UHRF1: variants seen among roughly 807,000 people sequenced by gnomAD.
UHRF1 encodes the protein ubiquitin like with PHD and ring finger domains 1.
UHRF1 carries 9 observed loss-of-function variants against 96.5 expected under a neutral mutation model. The observed-to-expected ratio is 0.09, with a 90% CI of 0.06 to 0.16. The LOEUF is 0.16. Among genes scored for constraint, UHRF1 ranks in the 10% least tolerant of loss-of-function variants. The pLI, the probability that UHRF1 is intolerant of heterozygous loss-of-function variation, is 1.00. For missense variants in UHRF1, 626 were observed against 1,131.1 expected (o/e 0.55, Z 6.40); for synonymous variants, 455 against 469.9 (o/e 0.97, Z 0.41).
chr19:4,941,887 C>T lies in UHRF1; in HGVS notation c.1029C>T (p.Tyr343=), dbSNP rs372794237. 419 of 1,541,812 alleles carry T rather than the reference C, an allele frequency of 2.7e-4. 1 individual carries two copies. The highest frequency in any genetic ancestry group is 3.5e-4 in the Non-Finnish European group (401 of 1,142,566). ...AGTGCGACATGGCCTTCCACATCTACTGCCTGGACCCGCCCCTCAGCAGTG... is the reference window on the plus strand; with the variant it reads ...AGTGCGACATGGCCTTCCACATCTATTGCCTGGACCCGCCCCTCAGCAGTG... ...CDECDMAFHI[Y]CLDPPLSSVP... is the part of the protein sequence containing the mutation. The change falls in exon 7 of 17, where the codon TAC becomes TAT. Residue 343 remains tyrosine (Y), a synonymous_variant. Transcript: ENST00000650932.
In UHRF1 at chr19:4,941,990, G is replaced by A. The variant is rs995668226; in HGVS notation, c.1073+59G>A. 4.2e-6 allele frequency: 6 copies of A among 1,419,762 alleles called. No homozygotes were observed. In the African/African-American group the frequency reaches 7.2e-5, roughly 17 times the overall value. The allele number at this position is 1,419,762 out of a possible 1,614,324, so 87.9% of individuals were successfully genotyped here. A position where few individuals can be genotyped will look rare whatever the true frequency, so the allele number is the denominator to read the frequency against. ...GAGCGCCCCCTACAAATCCCCAGAG[G>A]GGCACTGAGGAGATACAGGAGAGGG... On this transcript the variant is annotated intron_variant, in intron 7 of 16. Transcript: ENST00000650932.
chr19:4,917,129 T>C (rs1599245281), intron 2 of UHRF1, among the ~76,000 whole-genome samples: 2 of 140,812 alleles, frequency 1.4e-5, no homozygotes, highest in African/African-American at 5.5e-5. Context: ...TTTTTTTTTT[T>C]TCTTTTTTAT....
At position 4,929,365 on chromosome 19, in the gene UHRF1, G is replaced by T. The variant is rs1286084217; in HGVS notation, c.297G>T (p.Leu99=). 1 of 1,613,714 alleles carries T rather than the reference G, an allele frequency of 6.2e-7. No individual in the cohort carries two copies. The highest frequency in any genetic ancestry group is 1.7e-5 in the Admixed American group (1 of 60,014). The change falls in exon 3 of 17, where the codon CTG becomes CTT. Residue 99 remains leucine, a synonymous_variant. Transcript: ENST00000650932. ...ELSDTDSGCC[L]GQSESDKSST... ...CCGACACCGACTCCGGCTGCTGCCTGGGCCAGAGTGAGTCAGACAAGTCCT... is the reference window on the plus strand; with the variant it reads ...CCGACACCGACTCCGGCTGCTGCCTTGGCCAGAGTGAGTCAGACAAGTCCT...
At chr19:4,946,281 C>T (rs887935255) in intron 10 of UHRF1, among the ~76,000 whole-genome samples, 6 of 152,012 alleles carry the variant, frequency 3.9e-5, no homozygotes, top group African/African-American at 9.7e-5. Flanking sequence ...GCACGGCCTG[C>T]GTCCTTGCAT....
chr19:4,936,087 G>A (rs1006524801), intron 5 of UHRF1, among the ~76,000 whole-genome samples: 3 of 152,132 alleles, frequency 2.0e-5, no homozygotes, highest in Admixed American at 6.6e-5. Context: ...CTTGTGTCCC[G>A]AGCCCTCTGG....
At chr19:4,940,034 A>ACAAAAC (rs1314542975) in intron 5 of UHRF1, among the ~76,000 whole-genome samples, 61 of 152,120 alleles carry the variant, frequency 4.0e-4, no homozygotes, top group African/African-American at 1.4e-3. Context: ...AAAAAAAAAA[A>ACAAAAC]AAAACACATG....
intron 2 of UHRF1, among the ~76,000 whole-genome samples, chr19:4,918,170 A>T (rs1568409434): frequency 6.6e-6 from 1 of 151,880 alleles, no homozygotes; most frequent in Admixed American, 6.6e-5. Flanking sequence ...CCCAAGCTGG[A>T]GTGCAGTGGC....
At chr19:4,926,288 GC>G (rs2032868690) in intron 2 of UHRF1, among the ~76,000 whole-genome samples, 1 of 152,166 alleles carries the variant, frequency 6.6e-6, no homozygotes, top group African/African-American at 2.4e-5. Flanking sequence ...AGGTTGACGT[GC>G]CTCTTCCTCT....
intron 5 of UHRF1, among the ~76,000 whole-genome samples, chr19:4,935,119 G>T (rs925475327): frequency 1.3e-5 from 2 of 151,914 alleles, no homozygotes; most frequent in Non-Finnish European, 2.9e-5. Flanking sequence ...GACTATAGGT[G>T]CCCACCACCA....
At chr19:4,957,453 C>T (rs1317101613) in intron 16 of UHRF1, among the ~76,000 whole-genome samples, 2 of 151,998 alleles carry the variant, frequency 1.3e-5, no homozygotes, top group South Asian at 2.1e-4. Context: ...GGACTACAGG[C>T]GCCCGCCACC....
At chr19:4,946,849 T>C (rs775415614) in intron 10 of UHRF1, among the ~76,000 whole-genome samples, 1 of 152,204 alleles carries the variant, frequency 6.6e-6, no homozygotes, top group Non-Finnish European at 1.5e-5. Context: ...GTGCTGGGAT[T>C]ACGGGTGTGA....
intron 2 of UHRF1, among the ~76,000 whole-genome samples, chr19:4,921,451 GA>G (rs1033383193): frequency 6.6e-6 from 1 of 150,408 alleles, no homozygotes; most frequent in Non-Finnish European, 1.5e-5. Context: ...AAAAACAAAC[GA>G]AAAAGGAAAG....
intron 13 of UHRF1, 27 bp downstream of exon 13, chr19:4,951,023 T>G: frequency 6.3e-7 from 1 of 1,575,280 alleles, no homozygotes; most frequent in Non-Finnish European, 8.6e-7. Flanking sequence ...GGATGGCACT[T>G]TGGGAGGCCA....
chr19:4,907,795 C>G (rs1004701632), upstream of UHRF1, among the ~76,000 whole-genome samples: 1 of 148,178 alleles, frequency 6.7e-6, no homozygotes, highest in Non-Finnish European at 1.5e-5. Flanking sequence ...TCACCACAAC[C>G]TCTGCCTCCT....
intron 4 of UHRF1, 122 bp from the exon 5 acceptor site, chr19:4,932,618 TA>T: frequency 9.9e-7 from 1 of 1,014,052 alleles, no homozygotes; most frequent in Non-Finnish European, 1.5e-6. Flanking sequence ...CACCAGCATA[TA>T]AGCCTGTTGG....
intron 11 of UHRF1, among the ~76,000 whole-genome samples, chr19:4,949,943 C>T (rs1467149411): frequency 6.6e-6 from 1 of 151,956 alleles, no homozygotes; most frequent in South Asian, 2.1e-4. Context: ...GATCGTAGCT[C>T]ATTGTAGCCT....
intron 2 of UHRF1, among the ~76,000 whole-genome samples, chr19:4,917,043 AC>A (rs2032534159): frequency 7.0e-6 from 1 of 142,778 alleles, no homozygotes; most frequent in African/African-American, 2.6e-5. Flanking sequence ...TGAATGTGGC[AC>A]GAGGGGTAGG....
chr19:4,938,883 A>G (rs913364435), intron 5 of UHRF1, among the ~76,000 whole-genome samples: 18 of 149,464 alleles, frequency 1.2e-4, no homozygotes, highest in Non-Finnish European at 2.4e-4. Flanking sequence ...AGCTGGGACC[A>G]TAGGCGTGCA....
Position 4,954,723 on chromosome 19 carries a change from G to A in UHRF1, c.2031G>A (p.Thr677=), listed in dbSNP as rs746016907. ...CCAAGGTGGAGCCCTACAGTCTCAC[G>A]GCCCAGCAGAGCAGCCTCATCAGAG... ...KKTKVEPYSL[T]AQQSSLIRED... is the part of the protein sequence containing the mutation. Residue 677 remains threonine (T), a synonymous_variant, in exon 15 of 17, where the codon ACG becomes ACA. Transcript: ENST00000650932. The surrounding 1 kb of genome is among the most constrained non-coding windows in gnomAD (Gnocchi z 5.9). 6 of 1,613,766 alleles carry A rather than the reference G, an allele frequency of 3.7e-6. No individual in the cohort carries two copies. The highest frequency in any genetic ancestry group is 1.1e-5 in the South Asian group (1 of 91,066).
Sources: gnomAD v4.1 joint callset for allele counts (sites outside exome capture counted in the v4.1 genomes callset) on GRCh38, gnomAD v4.1.1 for gene constraint, Gnocchi (gnomAD v3.1) non-coding constraint, MANE v1.5 for transcripts, NCBI Gene and HGNC (gene_info 2026-07-23, HGNC 2026-07-21) for gene names.